The following ADAMTSL1 variants were observed in gnomAD, a reference collection of about 807,000 sequenced individuals.
ADAMTSL1 encodes the protein ADAMTS like 1.
In ADAMTSL1, 126 loss-of-function variants were observed where a neutral mutation model predicts 201.8. The observed-to-expected ratio is 0.62, with a 90% CI of 0.54 to 0.72. The LOEUF (loss-of-function observed/expected upper bound fraction) is 0.72. ADAMTSL1 is among the 30% of genes least tolerant of loss of function. The pLI, the probability that ADAMTSL1 is intolerant of heterozygous loss-of-function variation, is 0.00. For synonymous variants in ADAMTSL1, 1,121 were observed against 903.4 expected (o/e 1.24, Z -4.32); for missense variants, 2,679 against 2,277.8 (o/e 1.18, Z -3.59).
At chr9:18,383,810 G>A (rs910506102) in intron 2 of ADAMTSL1, among the ~76,000 whole-genome samples, 1 of 152,188 alleles carries the variant, frequency 6.6e-6, no homozygotes, top group Non-Finnish European at 1.5e-5. Context: ...GAGGAAAAAT[G>A]TTACATTCCT....
chr9:18,637,075 A>G (rs895792589), intron 6 of ADAMTSL1, among the ~76,000 whole-genome samples: 1 of 152,196 alleles, frequency 6.6e-6, no homozygotes, highest in Non-Finnish European at 1.5e-5. Flanking sequence ...AAAAATAAAT[A>G]CATGTCATGG....
chr9:17,977,869 A>T (rs529058377), intron 1 of ADAMTSL1, among the ~76,000 whole-genome samples: 1 of 152,016 alleles, frequency 6.6e-6, no homozygotes, highest in Non-Finnish European at 1.5e-5. Context: ...TTCAAATCCA[A>T]TGTTTCCTTG....
At position 18,074,175 on chromosome 9, in the gene ADAMTSL1, C is replaced by T. The variant is rs182473863; in HGVS notation, c.88-89687C>T. On this transcript the variant is annotated intron_variant, in intron 1 of 29. Coordinates refer to the ADAMTSL1 transcript ENST00000680146. ...AGGTCTGAGATGCCCACCAGCTGGC[C>T]CAGGCTGCATCTGCTTTAATGACAG... is the stretch of plus-strand genomic sequence containing the variant. Among the ~76,000 whole-genome samples the T allele has an allele frequency of 1.7e-4, 26 of 152,196 alleles. No individual in the cohort carries two copies. The East Asian group carries it at 4.8e-3, about 28-fold the overall frequency.
At chr9:18,514,124 A>G (rs1390772600) in intron 2 of ADAMTSL1, among the ~76,000 whole-genome samples, 1 of 152,188 alleles carries the variant, frequency 6.6e-6, no homozygotes, top group Non-Finnish European at 1.5e-5. Flanking sequence ...CTCCATGAAC[A>G]TGGAAGGTTT....
intron 19 of ADAMTSL1, among the ~76,000 whole-genome samples, chr9:18,794,377 C>T (rs940289392): frequency 2.0e-5 from 3 of 149,524 alleles, no homozygotes; most frequent in African/African-American, 7.4e-5. Flanking sequence ...CCTCCACACT[C>T]GTGGGTGACA....
chr9:18,392,549 A>G (rs992698395), intron 2 of ADAMTSL1, among the ~76,000 whole-genome samples: 1 of 152,060 alleles, frequency 6.6e-6, no homozygotes, highest in African/African-American at 2.4e-5. Flanking sequence ...TATCTCTGTT[A>G]TTTAGTATTT....
At chr9:17,955,725 G>A (rs1250297074) in intron 1 of ADAMTSL1, among the ~76,000 whole-genome samples, 2 of 151,968 alleles carry the variant, frequency 1.3e-5, no homozygotes, top group Non-Finnish European at 2.9e-5. Context: ...AACTGTTGTG[G>A]TATTGTTCTA....
At chr9:18,201,415 C>T (rs1317060671) in intron 2 of ADAMTSL1, among the ~76,000 whole-genome samples, 1 of 151,932 alleles carries the variant, frequency 6.6e-6, no homozygotes, top group South Asian at 2.1e-4. Flanking sequence ...TATTTAGTTA[C>T]TTTCATATAG....
intron 2 of ADAMTSL1, among the ~76,000 whole-genome samples, chr9:18,206,462 T>C (rs1022659547): frequency 5.3e-5 from 8 of 152,226 alleles, no homozygotes; most frequent in African/African-American, 1.9e-4. Flanking sequence ...ACCTTCTTTT[T>C]TGTTCTCTAT....
At chr9:18,486,438 C>T (rs938713335) in intron 1 of ADAMTSL1, among the ~76,000 whole-genome samples, 6 of 152,100 alleles carry the variant, frequency 3.9e-5, no homozygotes, top group Non-Finnish European at 5.9e-5. Flanking sequence ...GCATGGTGGC[C>T]CACACCTGTA....
intron 1 of ADAMTSL1, among the ~76,000 whole-genome samples, chr9:18,104,729 CT>C (rs145051573): frequency 3.5e-4 from 54 of 152,238 alleles, no homozygotes; most frequent in African/African-American, 1.2e-3. Flanking sequence ...TTTGTACCCC[CT>C]AAATCTAAAC....
intron 1 of ADAMTSL1, among the ~76,000 whole-genome samples, chr9:17,983,583 T>G (rs1229506236): frequency 6.6e-6 from 1 of 152,204 alleles, no homozygotes; most frequent in Non-Finnish European, 1.5e-5. Flanking sequence ...GTTAAGAGAA[T>G]TTGATATTAT....
At chr9:18,203,989 A>C (rs573198468) in intron 2 of ADAMTSL1, among the ~76,000 whole-genome samples, 1 of 152,310 alleles carries the variant, frequency 6.6e-6, no homozygotes, top group African/African-American at 2.4e-5. Context: ...AGAAAGAAGC[A>C]GTGAAACTTA....
intron 1 of ADAMTSL1, among the ~76,000 whole-genome samples, chr9:18,149,968 C>G (rs1045689992): frequency 1.3e-5 from 2 of 151,846 alleles, no homozygotes; most frequent in Non-Finnish European, 2.9e-5. Context: ...GGATGTGGTA[C>G]CAGTATGGAC....
At chr9:18,111,521 T>C (rs1403691549) in intron 1 of ADAMTSL1, among the ~76,000 whole-genome samples, 1 of 152,168 alleles carries the variant, frequency 6.6e-6, no homozygotes, top group Non-Finnish European at 1.5e-5. Flanking sequence ...GGGAAGTCAT[T>C]TACTGCCAAA....
chr9:18,108,381 G>A (rs921855923), intron 1 of ADAMTSL1, among the ~76,000 whole-genome samples: 1 of 151,726 alleles, frequency 6.6e-6, no homozygotes, highest in African/African-American at 2.4e-5. Flanking sequence ...TAAATTTTTT[G>A]TTGAGACAAG....
At chr9:18,489,165 G>T (rs541696122) in intron 1 of ADAMTSL1, among the ~76,000 whole-genome samples, 4 of 152,254 alleles carry the variant, frequency 2.6e-5, no homozygotes, top group Admixed American at 6.5e-5. Context: ...GACAATCACT[G>T]ATCTAATTGA....
intron 1 of ADAMTSL1, among the ~76,000 whole-genome samples, chr9:18,163,133 G>C (rs996358848): frequency 6.6e-6 from 1 of 151,960 alleles, no homozygotes; most frequent in African/African-American, 2.4e-5. Context: ...GTAGCCAAAT[G>C]ATAAAATGAA....
chr9:18,448,150 C>T (rs1218916886), intron 2 of ADAMTSL1, among the ~76,000 whole-genome samples: 4 of 152,116 alleles, frequency 2.6e-5, no homozygotes, highest in Non-Finnish European at 4.4e-5. Flanking sequence ...CTTAGGAATA[C>T]CCAGTTAAGA....
Sources: gnomAD v4.1 joint callset for allele counts (sites outside exome capture counted in the v4.1 genomes callset) on GRCh38, gnomAD v4.1.1 for gene constraint, MANE v1.5 for transcripts, NCBI Gene and HGNC (gene_info 2026-07-23, HGNC 2026-07-21) for gene names.